Variants in SNX29 observed in about 807,000 individuals in gnomAD.
SNX29 encodes the protein sorting nexin 29.
In SNX29, 78 loss-of-function variants were observed where a neutral mutation model predicts 102.1. That is an observed-to-expected ratio of 0.76 (90% CI 0.64 to 0.92). SNX29 has a LOEUF of 0.92. SNX29 is among the 40% of genes least tolerant of loss of function. SNX29 has a pLI of 0.00. For synonymous variants in SNX29, 580 were observed against 414.5 expected (o/e 1.40, Z -4.85); for missense variants, 1,280 against 1,061.7 (o/e 1.21, Z -2.86).
At chr16:12,187,957 C>T (rs1287212339) in intron 13 of SNX29, among the ~76,000 whole-genome samples, 1 of 152,240 alleles carries the variant, frequency 6.6e-6, no homozygotes, top group African/African-American at 2.4e-5. Context: ...ATCCACCATG[C>T]CCTAGGAGTT....
Position 12,572,801 on chromosome 16 carries a change from A to G in SNX29, c.*4172A>G. ...CACCTCACTCCTCCTTCCCCAGTACATCAGACTGGTTAGGAGGCATCCCAG... is the reference window on the plus strand; with the variant it reads ...CACCTCACTCCTCCTTCCCCAGTACGTCAGACTGGTTAGGAGGCATCCCAG... On this transcript the variant is annotated 3_prime_UTR_variant, in exon 21 of 21. Coordinates refer to ENST00000566228, the MANE Select transcript of SNX29 (RefSeq NM_032167.5). 9.4e-7 allele frequency: 1 copy of G among 1,063,534 alleles called. No individual in the cohort carries two copies. The highest frequency in any genetic ancestry group is 1.1e-6 in the Non-Finnish European group (1 of 878,176). 65.9% of individuals were successfully genotyped at this position (1,063,534 alleles called of 1,614,324 possible). A position where few individuals can be genotyped will look rare whatever the true frequency, so the allele number is the denominator to read the frequency against.
intron 15 of SNX29, among the ~76,000 whole-genome samples, chr16:12,346,391 A>G (rs2081806541): frequency 6.6e-6 from 1 of 152,142 alleles, no homozygotes; most frequent in Non-Finnish European, 1.5e-5. Context: ...TTTAAACCTC[A>G]CAAAAGCCCT....
chr16:12,520,311 C>A (rs1007989774), intron 19 of SNX29, among the ~76,000 whole-genome samples: 3 of 152,238 alleles, frequency 2.0e-5, no homozygotes, highest in African/African-American at 7.2e-5. Flanking sequence ...TCTCAAAGAA[C>A]TGAACCCCGC....
At chr16:12,275,050 TA>T (rs1015992174) in intron 14 of SNX29, among the ~76,000 whole-genome samples, 1 of 152,212 alleles carries the variant, frequency 6.6e-6, no homozygotes, top group Non-Finnish European at 1.5e-5. Context: ...TCTTTCATCT[TA>T]GGTGCTTTTC....
chr16:12,336,459 T>A (rs943096881), intron 15 of SNX29, among the ~76,000 whole-genome samples: 1 of 152,202 alleles, frequency 6.6e-6, no homozygotes, highest in Non-Finnish European at 1.5e-5. Flanking sequence ...CACTGGATGG[T>A]TTGTGTTGCA....
intron 16 of SNX29, among the ~76,000 whole-genome samples, chr16:12,383,666 C>A (rs1488668919): frequency 6.6e-6 from 1 of 151,768 alleles, no homozygotes; most frequent in African/African-American, 2.4e-5. Flanking sequence ...GAATTCCTGA[C>A]CTTAGGTGAT....
intron 15 of SNX29, among the ~76,000 whole-genome samples, chr16:12,306,634 C>G (rs932297180): frequency 5.9e-5 from 9 of 152,200 alleles, no homozygotes; most frequent in African/African-American, 2.2e-4. Flanking sequence ...AGGCAACTTT[C>G]AAGTTTAATG....
intron 18 of SNX29, among the ~76,000 whole-genome samples, chr16:12,443,650 T>C (rs1388909583): frequency 6.6e-6 from 1 of 152,190 alleles, no homozygotes; most frequent in Non-Finnish European, 1.5e-5. Flanking sequence ...AGGTTTTCAC[T>C]ATGTTGACCA....
At chr16:12,372,042 A>G (rs894226565) in intron 16 of SNX29, among the ~76,000 whole-genome samples, 4 of 152,252 alleles carry the variant, frequency 2.6e-5, no homozygotes, top group Admixed American at 2.0e-4. Context: ...TCTAGAGTAC[A>G]AAAGACAAGT....
intron 15 of SNX29, among the ~76,000 whole-genome samples, chr16:12,333,741 C>T (rs920073901): frequency 1.3e-5 from 2 of 152,050 alleles, no homozygotes; most frequent in Non-Finnish European, 2.9e-5. Context: ...TTACTTCAGC[C>T]ATTATCTGTA....
chr16:12,335,512 A>C (rs1278319386), intron 15 of SNX29, among the ~76,000 whole-genome samples: 1 of 152,076 alleles, frequency 6.6e-6, no homozygotes. Context: ...CCATCTCTAC[A>C]AAACATTAAA....
intron 18 of SNX29, among the ~76,000 whole-genome samples, chr16:12,406,908 CAAAA>C (rs2084188703): frequency 1.3e-5 from 2 of 152,054 alleles, no homozygotes; most frequent in South Asian, 2.1e-4. Context: ...GACTCTGTCT[CAAAA>C]AGAAAGAAAG....
intron 3 of SNX29, among the ~76,000 whole-genome samples, chr16:12,005,016 C>T (rs946815559): frequency 2.6e-5 from 4 of 152,130 alleles, no homozygotes; most frequent in South Asian, 2.1e-4. Flanking sequence ...TCCGGATGAG[C>T]GTGTGTATCA....
intron 16 of SNX29, among the ~76,000 whole-genome samples, chr16:12,396,110 C>A (rs1405657676): frequency 6.6e-6 from 1 of 152,192 alleles, no homozygotes; most frequent in Non-Finnish European, 1.5e-5. Flanking sequence ...AAGGATTGAA[C>A]CACTCCTGGG....
At chr16:12,325,458 G>T (rs2081086442) in intron 15 of SNX29, among the ~76,000 whole-genome samples, 1 of 152,124 alleles carries the variant, frequency 6.6e-6, no homozygotes, top group Non-Finnish European at 1.5e-5. Flanking sequence ...AACAATAATG[G>T]GAAAAAACTA....
chr16:12,539,690 A>C (rs1019953487), intron 20 of SNX29, among the ~76,000 whole-genome samples: 1 of 152,248 alleles, frequency 6.6e-6, no homozygotes, highest in Non-Finnish European at 1.5e-5. Context: ...CACCCTGGGC[A>C]GCATGTCATA....
chr16:11,979,856 A>T (rs1325317970), intron 1 of SNX29, among the ~76,000 whole-genome samples: 2 of 152,048 alleles, frequency 1.3e-5, no homozygotes, highest in East Asian at 3.8e-4. Flanking sequence ...CATGTGATCC[A>T]CTTGTGAACT....
At chr16:12,178,340 TG>T (rs1019731751) in intron 13 of SNX29, among the ~76,000 whole-genome samples, 13 of 152,116 alleles carry the variant, frequency 8.5e-5, no homozygotes, top group African/African-American at 3.1e-4. Context: ...GCATGTAAAC[TG>T]TTAGCAGCCA....
chr16:12,244,181 G>A (rs976076323), intron 14 of SNX29, among the ~76,000 whole-genome samples: 1 of 152,186 alleles, frequency 6.6e-6, no homozygotes, highest in Non-Finnish European at 1.5e-5. Context: ...CTCAACTCCT[G>A]CTGTGTGGCC....
Sources: allele counts gnomAD v4.1 joint callset (sites outside exome capture counted in the v4.1 genomes callset), GRCh38; gene constraint gnomAD v4.1.1; transcripts MANE v1.5; gene names NCBI Gene and HGNC (gene_info 2026-07-23, HGNC 2026-07-21).